The following RNF157 variants were observed in gnomAD, a reference collection of about 807,000 sequenced individuals.
RNF157 encodes the protein E3 ubiquitin ligase RNF157.
Under a neutral mutation model 88.3 loss-of-function variants are expected in RNF157, and 55 were observed. The ratio of observed to expected loss-of-function variants is 0.62; its 90% CI spans 0.50 to 0.78. The LOEUF (loss-of-function observed/expected upper bound fraction) is 0.78. Ranked by LOEUF, RNF157 falls within the 30% of genes least tolerant of loss-of-function variation. RNF157 has a pLI of 0.00. For missense variants in RNF157, 788 were observed against 860.8 expected (o/e 0.92, Z 1.06); for synonymous variants, 334 against 341.2 (o/e 0.98, Z 0.23).
In RNF157 at chr17:76,167,693, A is replaced by G; in HGVS notation, c.401T>C (p.Ile134Thr). Residue 134 changes from isoleucine to threonine, a missense_variant, in exon 4 of 19, where the codon ATC becomes ACC. Ile to Thr is a moderately conservative substitution (Grantham distance 89). Transcript: ENST00000269391. ...GAACTCTTCCGTGGCCTGGTAATAGATGGTGATGGCTACCCGAGCATCTGT... is the reference window on the plus strand; with the variant it reads ...GAACTCTTCCGTGGCCTGGTAATAGGTGGTGATGGCTACCCGAGCATCTGT... ...FDTDARVAIT[I>T]YYQATEEFQN... is the part of the protein sequence containing the mutation. 1.2e-6 allele frequency: 2 copies of G among 1,614,172 alleles called. No individual in the cohort carries two copies. Among genetic ancestry groups the G allele is most frequent in the Non-Finnish European group, 1.7e-6 (2 of 1,180,040 alleles).
chr17:76,152,260 T>C, intron 18 of RNF157, 95 bp downstream of exon 18: 1 of 832,362 alleles, frequency 1.2e-6, no homozygotes, highest in Non-Finnish European at 2.1e-6. Context: ...TGGCAGGAAC[T>C]GCAGGGCAGG....
chr17:76,233,004 T>C (rs920890489), intron 1 of RNF157, among the ~76,000 whole-genome samples: 1 of 151,992 alleles, frequency 6.6e-6, no homozygotes, highest in African/African-American at 2.4e-5. Context: ...CACTGCAACC[T>C]CTGCCTCCTG....
In RNF157 at chr17:76,240,411, C is replaced by A. The variant is rs1393691420; in HGVS notation, c.-171G>T. ...GAGCCCCCGGCGCGCCGCGCACCAT[C>A]CTCCGCCGGGCACCGCGGCGGCGCC... On this transcript the variant is annotated 5_prime_UTR_variant, in exon 1 of 19. Transcript: ENST00000269391. The surrounding 1 kb of genome is among the most constrained non-coding windows in gnomAD (Gnocchi z 4.4). 1 of 156,666 alleles carries A rather than the reference C, an allele frequency of 6.4e-6. No homozygotes were observed. The highest frequency in any genetic ancestry group is 6.8e-5 in the Admixed American group (1 of 14,740). The allele number at this position is 156,666 out of a possible 1,614,324, so 9.7% of individuals were successfully genotyped here. A position where few individuals can be genotyped will look rare whatever the true frequency, so the allele number is the denominator to read the frequency against.
intron 1 of RNF157, among the ~76,000 whole-genome samples, chr17:76,230,512 C>T (rs2070168502): frequency 1.3e-5 from 2 of 152,156 alleles, no homozygotes; most frequent in South Asian, 4.1e-4. Context: ...CTCTCTGCTT[C>T]CAGTCTCTCC....
At chr17:76,218,162 G>C (rs1300268402) in intron 1 of RNF157, among the ~76,000 whole-genome samples, 1 of 152,074 alleles carries the variant, frequency 6.6e-6, no homozygotes, top group Admixed American at 6.6e-5. Context: ...GACAAGTTCA[G>C]TAAAATGACT....
intron 2 of RNF157, among the ~76,000 whole-genome samples, chr17:76,182,434 G>T (rs1266791349): frequency 6.9e-6 from 1 of 145,330 alleles, no homozygotes; most frequent in Non-Finnish European, 1.5e-5. Context: ...ATACACATGG[G>T]CACACACGCA....
At chr17:76,199,208 G>C (rs1307829061) in intron 2 of RNF157, among the ~76,000 whole-genome samples, 1 of 152,204 alleles carries the variant, frequency 6.6e-6, no homozygotes, top group African/African-American at 2.4e-5. Context: ...CTAGTACAGA[G>C]ACCAGATTAA....
chr17:76,198,309 ACCTT>A, intron 2 of RNF157, among the ~76,000 whole-genome samples: 1 of 152,152 alleles, frequency 6.6e-6, no homozygotes, highest in East Asian at 1.9e-4. Flanking sequence ...CAGAATGAAC[ACCTT>A]GGCAAGAGCC....
Position 76,169,082 on chromosome 17 carries a change from T to C in RNF157, c.297-1285A>G, listed in dbSNP as rs1366214840. On this transcript the variant is annotated intron_variant, in intron 3 of 18. Transcript: ENST00000269391. Reference sequence around the variant, plus strand: ...TTCTGAGAAGTTTTCTTAAATTCTATGTCACTGATGATTTCCTTCCTTTTA... The same window carrying C: ...TTCTGAGAAGTTTTCTTAAATTCTACGTCACTGATGATTTCCTTCCTTTTA... Among the ~76,000 whole-genome samples, 4 of 152,202 alleles carry C rather than the reference T, an allele frequency of 2.6e-5. No homozygotes were observed. The East Asian group carries it at 7.7e-4, about 29-fold the overall frequency.
intron 1 of RNF157, among the ~76,000 whole-genome samples, chr17:76,214,402 T>C (rs1424979766): frequency 1.3e-5 from 2 of 152,154 alleles, no homozygotes; most frequent in Non-Finnish European, 2.9e-5. Context: ...GCCTAGATTT[T>C]CATAAGCCAG....
chr17:76,234,925 C>T (rs749628971), intron 1 of RNF157, among the ~76,000 whole-genome samples: 12 of 152,042 alleles, frequency 7.9e-5, no homozygotes, highest in Non-Finnish European at 1.5e-4. Flanking sequence ...CTATCCTTTC[C>T]CCATTCAATT....
intron 1 of RNF157, among the ~76,000 whole-genome samples, chr17:76,233,714 G>T (rs548243854): frequency 6.6e-6 from 1 of 151,952 alleles, no homozygotes; most frequent in South Asian, 2.1e-4. Context: ...AACAATTTTT[G>T]TAGAGACAGG....
At position 76,166,442 on chromosome 17, in the gene RNF157, G is replaced by A. The variant is rs1469667399; in HGVS notation, c.628+19C>T. 3.1e-6 allele frequency: 5 copies of A among 1,607,446 alleles called. No homozygotes were observed. Among genetic ancestry groups the A allele is most frequent in the African/African-American group, 1.3e-5 (1 of 74,772 alleles). Reference sequence around the variant, plus strand: ...AAAGAGCAGTGTGCACAGCCAAAGAGGACAGAAATCGCCCCTACCGTCTCC... The same window carrying A: ...AAAGAGCAGTGTGCACAGCCAAAGAAGACAGAAATCGCCCCTACCGTCTCC... On this transcript the variant is annotated intron_variant, in intron 6 of 18. Coordinates refer to ENST00000269391, the MANE Select transcript of RNF157 (RefSeq NM_052916.3).
At chr17:76,203,766 T>A (rs1222906132) in intron 2 of RNF157, among the ~76,000 whole-genome samples, 3 of 138,790 alleles carry the variant, frequency 2.2e-5, no homozygotes, top group Non-Finnish European at 4.6e-5. Flanking sequence ...AAAAGTTTTG[T>A]TGCTTTTTTT....
chr17:76,163,190 CTTT>C (rs35564567), intron 8 of RNF157: 12 of 121,392 alleles, frequency 9.9e-5, no homozygotes, highest in Non-Finnish European at 1.2e-4. Flanking sequence ...GCCCTGTTTC[CTTT>C]TTTTTTTTTT....
chr17:76,192,295 C>T (rs1388514126), intron 2 of RNF157, among the ~76,000 whole-genome samples: 2 of 152,172 alleles, frequency 1.3e-5, no homozygotes. Context: ...GAGTCAGCAA[C>T]ATTTACATTA....
chr17:76,212,307 C>T lies in RNF157; in HGVS notation c.207+57G>A, dbSNP rs1260173638. On this transcript the variant is annotated intron_variant, in intron 2 of 18. Transcript: ENST00000269391. ...AGCAACTGCAAACTTATTTTTGTTACATTTTTTGAATTGGCCACTTAAGCT... is the reference window on the plus strand; with the variant it reads ...AGCAACTGCAAACTTATTTTTGTTATATTTTTTGAATTGGCCACTTAAGCT... 4.1e-6 allele frequency: 5 copies of T among 1,224,096 alleles called. 1 individual carries two copies. In the South Asian group the frequency reaches 4.9e-5, roughly 12 times the overall value. 75.8% of individuals were successfully genotyped at this position (1,224,096 alleles called of 1,614,324 possible).
At chr17:76,194,309 T>C (rs1033478066) in intron 2 of RNF157, among the ~76,000 whole-genome samples, 2 of 152,204 alleles carry the variant, frequency 1.3e-5, no homozygotes, top group Admixed American at 6.5e-5. Context: ...GACACAACAC[T>C]CTTTACAATG....
intron 3 of RNF157, among the ~76,000 whole-genome samples, chr17:76,172,310 G>A (rs2069027225): frequency 6.6e-6 from 1 of 151,760 alleles, no homozygotes; most frequent in South Asian, 2.1e-4. Flanking sequence ...TGAGACTCTG[G>A]GCCAGGTGCG....
Sources: gnomAD v4.1 joint callset for allele counts (sites outside exome capture counted in the v4.1 genomes callset) on GRCh38, gnomAD v4.1.1 for gene constraint, Gnocchi (gnomAD v3.1) non-coding constraint, MANE v1.5 for transcripts, NCBI Gene and HGNC (gene_info 2026-07-23, HGNC 2026-07-21) for gene names.